Variants in TRERF1 observed in about 807,000 individuals in gnomAD.
The protein encoded by TRERF1 is transcriptional-regulating factor 1.
In TRERF1, 27 loss-of-function variants were observed where a neutral mutation model predicts 122.9. The ratio of observed to expected loss-of-function variants is 0.22; its 90% CI spans 0.16 to 0.30. The LOEUF (loss-of-function observed/expected upper bound fraction) is 0.30. TRERF1 is among the 10% of genes least tolerant of loss of function. The pLI is 1.00. For synonymous variants in TRERF1, 636 were observed against 641.7 expected (o/e 0.99, Z 0.13); for missense variants, 1,248 against 1,560.3 (o/e 0.80, Z 3.37).
intron 2 of TRERF1, among the ~76,000 whole-genome samples, 182 bp downstream of exon 2, chr6:42,450,995 G>C (rs940959390): frequency 5.9e-5 from 9 of 152,064 alleles, no homozygotes; most frequent in African/African-American, 2.2e-4. Context: ...ATGCTGTGCA[G>C]CCCGGAGAGG....
intron 3 of TRERF1, among the ~76,000 whole-genome samples, chr6:42,326,768 G>A (rs1317511945): frequency 6.6e-6 from 1 of 152,182 alleles, no homozygotes; most frequent in Non-Finnish European, 1.5e-5. Context: ...TCTTGTATTA[G>A]GTTCCAGAAT....
At chr6:42,423,716 T>G (rs1007930721) in intron 2 of TRERF1, among the ~76,000 whole-genome samples, 1 of 152,178 alleles carries the variant, frequency 6.6e-6, no homozygotes, top group African/African-American at 2.4e-5. Context: ...ATTTTATAAT[T>G]CGGGTTATTT....
At position 42,346,233 on chromosome 6, in the gene TRERF1, C is replaced by T. The variant is rs900704956; in HGVS notation, c.-371+16764G>A. ...GCACCTGTCACCTCAGGACTGTGGG[C>T]AGAGCCACCCCAGCCACTACCGATT... On this transcript the variant is annotated intron_variant, in intron 3 of 17. Coordinates refer to ENST00000372922, the Ensembl canonical transcript of TRERF1. 3.3e-5 allele frequency among the ~76,000 whole-genome samples: 5 copies of T among 152,322 alleles called. No homozygotes were observed. The South Asian group carries it at 1.0e-3, about 32-fold the overall frequency.
chr6:42,406,949 A>G (rs1002248297), intron 2 of TRERF1, among the ~76,000 whole-genome samples: 2 of 152,232 alleles, frequency 1.3e-5, no homozygotes, highest in African/African-American at 2.4e-5. Context: ...TAAGCATTAC[A>G]TCTTAGGTCA....
chr6:42,330,626 T>G (rs1384261843), intron 3 of TRERF1, among the ~76,000 whole-genome samples: 1 of 152,230 alleles, frequency 6.6e-6, no homozygotes, highest in African/African-American at 2.4e-5. Context: ...TGTAGGAATA[T>G]GCCTAAAGAT....
chr6:42,298,380 T>C (rs1286314336), intron 4 of TRERF1, among the ~76,000 whole-genome samples: 1 of 151,488 alleles, frequency 6.6e-6, no homozygotes, highest in Non-Finnish European at 1.5e-5. Flanking sequence ...GGTCTTGAAC[T>C]TCTGACTTCA....
At chr6:42,435,355 T>C (rs1377152129) in intron 2 of TRERF1, among the ~76,000 whole-genome samples, 1 of 152,072 alleles carries the variant, frequency 6.6e-6, no homozygotes, top group Non-Finnish European at 1.5e-5. Flanking sequence ...GAGACATGGA[T>C]GGCATGTATA....
In TRERF1 at chr6:42,269,443, C is replaced by T. The variant is rs957210587; in HGVS notation, c.148G>A (p.Ala50Thr). 2.5e-6 allele frequency: 4 copies of T among 1,614,042 alleles called. No homozygotes were observed. The highest frequency in any genetic ancestry group is 3.4e-6 in the Non-Finnish European group (4 of 1,180,036). The change falls in exon 5 of 18, where the codon GCC becomes ACC. Residue 50 changes from alanine to threonine, a missense_variant. By Grantham distance (58) the Ala-to-Thr change is moderately conservative. This residue lies in a region of TRERF1 where 946 missense variants were observed against 1,073.0 expected (regional missense o/e 0.88). Coordinates refer to ENST00000372922, the Ensembl canonical transcript of TRERF1. The surrounding 1 kb of genome is among the most constrained non-coding windows in gnomAD (Gnocchi z 4.9). ...GGGAAGTGGGGGGAGATTGGCGAGG[C>T]CTGAGGGGCATCCATTCCGCCCCCT... is the stretch of plus-strand genomic sequence containing the variant.
intron 4 of TRERF1, among the ~76,000 whole-genome samples, chr6:42,288,915 C>T (rs73428835): frequency 0.094 from 14,238 of 151,676 alleles, 712 homozygotes; most frequent in East Asian, 0.12. Context: ...TAATGGCTCC[C>T]CTGAAGAGCA....
intron 12 of TRERF1, among the ~76,000 whole-genome samples, chr6:42,255,316 C>T (rs1339598124): frequency 6.6e-6 from 1 of 152,242 alleles, no homozygotes; most frequent in African/African-American, 2.4e-5. Context: ...TGTTTCATTA[C>T]AGCTGAATAG....
chr6:42,430,982 C>T (rs182669075), intron 2 of TRERF1, among the ~76,000 whole-genome samples: 2 of 149,740 alleles, frequency 1.3e-5, no homozygotes, highest in South Asian at 2.1e-4. Context: ...ATGGCTTGAA[C>T]CTGGGAGGTG....
At chr6:42,288,956 TGTGTG>T (rs1783792434) in intron 4 of TRERF1, among the ~76,000 whole-genome samples, 1 of 24,206 alleles carries the variant, frequency 4.1e-5, no homozygotes, top group Non-Finnish European at 8.5e-5. Context: ...TTGAACTCTG[TGTGTG>T]TGTGTGTGTG....
At chr6:42,347,636 C>A (rs1768555268) in intron 3 of TRERF1, among the ~76,000 whole-genome samples, 2 of 152,124 alleles carry the variant, frequency 1.3e-5, no homozygotes, top group African/African-American at 4.8e-5. Context: ...AACTGATCAC[C>A]GCTTCTCCTT....
chr6:42,273,427 C>T (rs913256951), intron 4 of TRERF1, among the ~76,000 whole-genome samples: 2 of 152,088 alleles, frequency 1.3e-5, no homozygotes, highest in African/African-American at 4.8e-5. Context: ...GATCAAATAT[C>T]CCAGTGAGTT....
At chr6:42,346,978 A>T (rs1467636786) in intron 3 of TRERF1, among the ~76,000 whole-genome samples, 1 of 152,234 alleles carries the variant, frequency 6.6e-6, no homozygotes, top group Non-Finnish European at 1.5e-5. Context: ...AAAGGGGCTC[A>T]GGTAGAATAA....
At chr6:42,243,145 G>T (rs1201740978) in intron 15 of TRERF1, 103 bp downstream of exon 15, 6 of 927,360 alleles carry the variant, frequency 6.5e-6, no homozygotes, top group Non-Finnish European at 1.0e-5. Context: ...CCTTCCTCTG[G>T]CTATCTTGGC....
At chr6:42,273,401 A>G (rs996318492) in intron 4 of TRERF1, among the ~76,000 whole-genome samples, 1 of 152,198 alleles carries the variant, frequency 6.6e-6, no homozygotes, top group Non-Finnish European at 1.5e-5. Flanking sequence ...CAAATGAGAA[A>G]AAATTAGAAA....
intron 2 of TRERF1, among the ~76,000 whole-genome samples, chr6:42,416,237 C>T (rs1305246804): frequency 2.0e-5 from 3 of 152,124 alleles, no homozygotes; most frequent in Non-Finnish European, 4.4e-5. Context: ...TATCTAATTA[C>T]ACCAGCTTAT....
exon 13 of TRERF1, chr6:42,254,889 C>T (rs779412026): frequency 3.7e-6 from 6 of 1,614,182 alleles, no homozygotes; most frequent in Non-Finnish European, 5.1e-6. Context: ...ACATTTTAAC[C>T]TGACAGGCTT....
Sources: gnomAD v4.1 joint callset for allele counts (sites outside exome capture counted in the v4.1 genomes callset) on GRCh38, gnomAD v4.1.1 for gene constraint, gnomAD v4.1.1 regional missense constraint, Gnocchi (gnomAD v3.1) non-coding constraint, MANE v1.5 for transcripts, NCBI Gene and HGNC (gene_info 2026-07-23, HGNC 2026-07-21) for gene names.